PKNOX1: variants seen among roughly 807,000 people sequenced by gnomAD.
PKNOX1 encodes the protein homeobox protein PKNOX1.
In PKNOX1, 15 loss-of-function variants were observed where a neutral mutation model predicts 51.9. The ratio of observed to expected loss-of-function variants is 0.29; its 90% CI spans 0.19 to 0.45. The LOEUF is 0.45. PKNOX1 is among the 20% of genes least tolerant of loss of function. The pLI is 1.00. For missense variants in PKNOX1, 462 were observed against 547.5 expected (o/e 0.84, Z 1.56); for synonymous variants, 219 against 211.1 (o/e 1.04, Z -0.32).
chr21:42,979,156 C>T (rs1331498217), intron 1 of PKNOX1, among the ~76,000 whole-genome samples: 2 of 152,190 alleles, frequency 1.3e-5, no homozygotes, highest in Admixed American at 6.5e-5. Context: ...CCTTTCAAGC[C>T]GCCTTCCTGC....
chr21:43,025,535 G>T (rs1199491328), intron 9 of PKNOX1, among the ~76,000 whole-genome samples: 2 of 152,212 alleles, frequency 1.3e-5, no homozygotes, highest in African/African-American at 4.8e-5. Context: ...TCCCCTTCTA[G>T]TCCTGCTGTC....
At chr21:43,024,121 T>G (rs1430387794) in intron 8 of PKNOX1, among the ~76,000 whole-genome samples, 1 of 152,146 alleles carries the variant, frequency 6.6e-6, no homozygotes, top group Non-Finnish European at 1.5e-5. Context: ...CAGCCCTGGG[T>G]TCAGTTCCTT....
At chr21:42,987,404 A>AAATATATATAT in intron 1 of PKNOX1, among the ~76,000 whole-genome samples, 1 of 41,410 alleles carries the variant, frequency 2.4e-5, no homozygotes, top group African/African-American at 9.3e-5. Context: ...AAAAAAAAAA[A>AAATATATATAT]ATATATATAT....
chr21:43,006,305 T>C (rs1978984973), intron 2 of PKNOX1, among the ~76,000 whole-genome samples: 1 of 152,096 alleles, frequency 6.6e-6, no homozygotes, highest in South Asian at 2.1e-4. Context: ...TTTGTATTTT[T>C]AGTAGAGACA....
In PKNOX1 at chr21:43,007,631, G is replaced by A; in HGVS notation, c.179+13G>A. On this transcript the variant is annotated intron_variant, in intron 3 of 10. Transcript: ENST00000291547. ...AGGCCATTTATAGGTAGTGCCCGGGGTGCCGGCTGTGGGGGCCTCAGAGGA... is the reference window on the plus strand; with the variant it reads ...AGGCCATTTATAGGTAGTGCCCGGGATGCCGGCTGTGGGGGCCTCAGAGGA... 3 of 1,614,040 alleles carry A rather than the reference G, an allele frequency of 1.9e-6. No homozygotes were observed. The highest frequency in any genetic ancestry group is 1.7e-6 in the Non-Finnish European group (2 of 1,179,946).
At chr21:43,008,792 A>G (rs921754463) in intron 3 of PKNOX1, among the ~76,000 whole-genome samples, 2 of 151,576 alleles carry the variant, frequency 1.3e-5, no homozygotes, top group African/African-American at 4.8e-5. Flanking sequence ...AAAAAAAAAA[A>G]TTTTTTTTTA....
rs532863510 is a variant in PKNOX1, at chr21:43,009,448, A to G, written c.180-605A>G. On this transcript the variant is annotated intron_variant, in intron 3 of 10. Transcript: ENST00000291547. Reference sequence around the variant, plus strand: ...CAACAAGAGCGAAACTCCATCTCAAAAAATAAAAAAAATTAGCTGGGCATC... The same window carrying G: ...CAACAAGAGCGAAACTCCATCTCAAGAAATAAAAAAAATTAGCTGGGCATC... 3.9e-5 allele frequency among the ~76,000 whole-genome samples: 6 copies of G among 151,976 alleles called. No homozygotes were observed. The East Asian group carries it at 1.2e-3, about 29-fold the overall frequency.
At chr21:43,020,292 A>G (rs956596663) in intron 7 of PKNOX1, among the ~76,000 whole-genome samples, 5 of 152,028 alleles carry the variant, frequency 3.3e-5, no homozygotes, top group African/African-American at 7.2e-5. Flanking sequence ...TGCGGACCCT[A>G]CGGAGCGATT....
intron 1 of PKNOX1, among the ~76,000 whole-genome samples, chr21:42,991,055 C>CT (rs377755973): frequency 2.4e-4 from 36 of 152,180 alleles, no homozygotes; most frequent in African/African-American, 8.4e-4. Context: ...TTCTCAAATT[C>CT]TTTCAGCTTC....
chr21:43,022,291 G>A (rs538185839), intron 8 of PKNOX1, among the ~76,000 whole-genome samples: 1 of 152,300 alleles, frequency 6.6e-6, no homozygotes, highest in South Asian at 2.1e-4. Flanking sequence ...CCTCCGCTGG[G>A]GCTGAAGCCT....
At chr21:42,990,108 AAT>A (rs1241667871) in intron 1 of PKNOX1, among the ~76,000 whole-genome samples, 3 of 150,922 alleles carry the variant, frequency 2.0e-5, no homozygotes, top group African/African-American at 4.9e-5. Context: ...AAAAAAAAAA[AAT>A]AATAATAATA....
chr21:43,024,570 TCAC>T, intron 8 of PKNOX1: 7 of 303,642 alleles, frequency 2.3e-5, no homozygotes, highest in South Asian at 2.2e-4. Flanking sequence ...TGGTGTAGAC[TCAC>T]CGCTGGACTG....
chr21:42,977,310 CT>C (rs1379799506), intron 1 of PKNOX1, among the ~76,000 whole-genome samples: 1 of 152,160 alleles, frequency 6.6e-6, no homozygotes, highest in Non-Finnish European at 1.5e-5. Flanking sequence ...ACTGAGTTCT[CT>C]CTAGGTATGA....
Position 43,014,569 on chromosome 21 carries a change from C to T in PKNOX1, c.522+1331C>T, listed in dbSNP as rs980887921. On this transcript the variant is annotated intron_variant, in intron 5 of 10. Coordinates refer to ENST00000291547, the MANE Select transcript of PKNOX1 (RefSeq NM_004571.5). ...ATTCTTTTGGTGTCAAGTCTAAGAA[C>T]TCTTTGCCTAACCCTAGGTCCCAAA... Among the ~76,000 whole-genome samples, 3 of 152,184 alleles carry T rather than the reference C, an allele frequency of 2.0e-5. 1 individual carries two copies. The highest frequency in any genetic ancestry group is 4.4e-5 in the Non-Finnish European group (3 of 68,030).
In PKNOX1 at chr21:43,007,601, C is replaced by G; in HGVS notation, c.162C>G (p.Asp54Glu). 1.2e-6 allele frequency: 2 copies of G among 1,614,144 alleles called. No individual in the cohort carries two copies. Among genetic ancestry groups the G allele is most frequent in the South Asian group, 2.2e-5 (2 of 91,076 alleles). ...PVESQTPMDV[D>E]KQAIYRHPLF... is the part of the protein sequence containing the mutation. ...AGTCTCAGACCCCGATGGATGTGGA[C>G]AAGCAGGCCATTTATAGGTAGTGCC... The change falls in exon 3 of 11, where the codon GAC (aspartate) becomes GAG (glutamate). Residue 54 changes from aspartate to glutamate, a missense_variant. Asp to Glu is a conservative substitution (Grantham distance 45). Transcript: ENST00000291547.
chr21:42,987,641 G>A (rs1310463032), intron 1 of PKNOX1, among the ~76,000 whole-genome samples: 2 of 142,322 alleles, frequency 1.4e-5, no homozygotes, highest in African/African-American at 2.6e-5. Context: ...TTTTTGAGAT[G>A]GAGTCTTCGC....
intron 3 of PKNOX1, among the ~76,000 whole-genome samples, chr21:43,008,061 T>TCTCTCACA (rs59792199): frequency 3.5e-4 from 52 of 146,876 alleles, no homozygotes; most frequent in Non-Finnish European, 4.6e-4. Flanking sequence ...CAAAACTCTG[T>TCTCTCACA]CACACACACA....
intron 5 of PKNOX1, among the ~76,000 whole-genome samples, chr21:43,016,318 T>C (rs1979487098): frequency 6.6e-6 from 1 of 152,228 alleles, no homozygotes; most frequent in African/African-American, 2.4e-5. Context: ...TGCATGGGGC[T>C]CGCTGTAGGC....
At chr21:43,004,120 C>G in intron 1 of PKNOX1, 1 of 315,408 alleles carries the variant, frequency 3.2e-6, no homozygotes, top group Non-Finnish European at 6.1e-6. Flanking sequence ...GACTGTAATC[C>G]CAGCTACTAG....
Sources: gnomAD v4.1 joint callset for allele counts (sites outside exome capture counted in the v4.1 genomes callset) on GRCh38, gnomAD v4.1.1 for gene constraint, MANE v1.5 for transcripts, NCBI Gene and HGNC (gene_info 2026-07-23, HGNC 2026-07-21) for gene names.